GULP1: variants seen among roughly 807,000 people sequenced by gnomAD.
GULP1 encodes PTB domain-containing engulfment adapter protein 1.
Under a neutral mutation model 40.9 loss-of-function variants are expected in GULP1, and 19 were observed. The ratio of observed to expected loss-of-function variants is 0.46; its 90% CI spans 0.32 to 0.68. GULP1 has a LOEUF of 0.68. GULP1 is among the 30% of genes least tolerant of loss of function. The pLI is 0.03. For synonymous variants in GULP1, 119 were observed against 117.6 expected (o/e 1.01, Z -0.08); for missense variants, 312 against 362.2 (o/e 0.86, Z 1.12).
At chr2:188,565,390 GAGTT>G (rs1697405896) in intron 7 of GULP1, among the ~76,000 whole-genome samples, 1 of 151,874 alleles carries the variant, frequency 6.6e-6, no homozygotes, top group Non-Finnish European at 1.5e-5. Flanking sequence ...CTTCTACAGG[GAGTT>G]AGTTTATTAA....
intron 1 of GULP1, among the ~76,000 whole-genome samples, chr2:188,342,962 G>T (rs972860709): frequency 6.6e-6 from 1 of 152,090 alleles, no homozygotes; most frequent in Non-Finnish European, 1.5e-5. Context: ...ACTGCTTCAT[G>T]ATATAAAATG....
intron 2 of GULP1, among the ~76,000 whole-genome samples, chr2:188,439,379 T>C (rs547151644): frequency 7.9e-4 from 121 of 152,260 alleles, no homozygotes; most frequent in East Asian, 3.1e-3. Flanking sequence ...AAAAAAATTC[T>C]ACCAAAATAC....
At chr2:188,307,244 A>G (rs1437668405) in intron 1 of GULP1, among the ~76,000 whole-genome samples, 1 of 152,202 alleles carries the variant, frequency 6.6e-6, no homozygotes, top group African/African-American at 2.4e-5. Context: ...ATAAATTTAT[A>G]CACAATGATA....
At chr2:188,395,946 G>C (rs1356308240) in intron 2 of GULP1, among the ~76,000 whole-genome samples, 1 of 152,204 alleles carries the variant, frequency 6.6e-6, no homozygotes, top group Non-Finnish European at 1.5e-5. Context: ...GCCAGTTGTA[G>C]TAGTAATGAA....
At chr2:188,436,457 A>G (rs1204955730) in intron 2 of GULP1, among the ~76,000 whole-genome samples, 2 of 152,068 alleles carry the variant, frequency 1.3e-5, no homozygotes, top group Non-Finnish European at 2.9e-5. Context: ...ATTTAAAATT[A>G]CTTTCCTCAC....
At chr2:188,407,416 G>T (rs2053269015) in intron 2 of GULP1, among the ~76,000 whole-genome samples, 1 of 152,088 alleles carries the variant, frequency 6.6e-6, no homozygotes, top group Admixed American at 6.5e-5. Flanking sequence ...AAAGCTAAAA[G>T]ACAAAGCTAT....
chr2:188,471,252 G>A (rs930391800), intron 2 of GULP1, among the ~76,000 whole-genome samples: 14 of 152,184 alleles, frequency 9.2e-5, no homozygotes, highest in African/African-American at 3.1e-4. Flanking sequence ...TATAGGTGAA[G>A]TGTGTTTCTT....
intron 1 of GULP1, among the ~76,000 whole-genome samples, chr2:188,341,340 A>C (rs1559129548): frequency 6.6e-6 from 1 of 152,084 alleles, no homozygotes; most frequent in Non-Finnish European, 1.5e-5. Flanking sequence ...ATGAGAACTC[A>C]CTGTCACAGC....
At chr2:188,579,291 T>A (rs1700798309) in intron 9 of GULP1, among the ~76,000 whole-genome samples, 1 of 152,166 alleles carries the variant, frequency 6.6e-6, no homozygotes, top group Non-Finnish European at 1.5e-5. Flanking sequence ...TCAACTATTT[T>A]CATGCAAGTA....
intron 4 of GULP1, among the ~76,000 whole-genome samples, chr2:188,510,503 A>T (rs2064395629): frequency 6.6e-6 from 1 of 152,114 alleles, no homozygotes; most frequent in African/African-American, 2.4e-5. Context: ...ATACTGGGTA[A>T]ACATTCCTTA....
chr2:188,512,135 C>T (rs1474873172), intron 4 of GULP1, among the ~76,000 whole-genome samples: 1 of 152,086 alleles, frequency 6.6e-6, no homozygotes, highest in African/African-American at 2.4e-5. Context: ...CTACTAGGTA[C>T]AGTTGAGTAG....
chr2:188,567,224 G>A (rs1359100164), intron 7 of GULP1, among the ~76,000 whole-genome samples: 4 of 152,128 alleles, frequency 2.6e-5, no homozygotes, highest in Non-Finnish European at 4.4e-5. Flanking sequence ...ACAGTGTGGC[G>A]ATTCCTCAAG....
intron 1 of GULP1, chr2:188,293,271 T>A (rs1559077411): frequency 6.6e-6 from 1 of 152,170 alleles, no homozygotes. Flanking sequence ...AATCAGACAT[T>A]TTACATGCAC....
At chr2:188,477,794 A>C in intron 3 of GULP1, 64 bp downstream of exon 3, 1 of 1,215,468 alleles carries the variant, frequency 8.2e-7, no homozygotes, top group Non-Finnish European at 1.2e-6. Flanking sequence ...ATAAGCAGCG[A>C]TGTTAAGAAA....
Position 188,531,121 on chromosome 2 carries a change from A to G in GULP1, c.261+1926A>G, listed in dbSNP as rs75880800. 3.9e-3 allele frequency among the ~76,000 whole-genome samples: 600 copies of G among 152,268 alleles called. 10 individuals carry two copies. Among genetic ancestry groups the G allele is most frequent in the East Asian group, 0.037 (191 of 5,178 alleles). ...AAGTGTGGCCTGCAGACCACCAGCA[A>G]CTGCATCTATTGGATGCTTGTTAGA... is the stretch of plus-strand genomic sequence containing the variant. On this transcript the variant is annotated intron_variant, in intron 6 of 11. Coordinates refer to ENST00000409830, the MANE Select transcript of GULP1 (RefSeq NM_016315.4).
intron 2 of GULP1, among the ~76,000 whole-genome samples, chr2:188,413,890 T>A (rs2054229568): frequency 6.6e-6 from 1 of 152,204 alleles, no homozygotes; most frequent in Admixed American, 6.5e-5. Flanking sequence ...AAAATGAATT[T>A]TTTAATGCAT....
At chr2:188,295,027 T>C (rs1323986112) in intron 1 of GULP1, among the ~76,000 whole-genome samples, 2 of 152,328 alleles carry the variant, frequency 1.3e-5, no homozygotes, top group African/African-American at 4.8e-5. Flanking sequence ...GATTTTGTTA[T>C]GGTTAAGGCT....
chr2:188,314,390 C>A (rs1207012389), intron 1 of GULP1, among the ~76,000 whole-genome samples: 1 of 152,028 alleles, frequency 6.6e-6, no homozygotes, highest in Non-Finnish European at 1.5e-5. Context: ...AAAAATAGAA[C>A]CCATGTCCTA....
chr2:188,592,709 T>C (rs1199023312), intron 11 of GULP1: 1 of 152,038 alleles, frequency 6.6e-6, no homozygotes, highest in Non-Finnish European at 1.5e-5. Context: ...ACCTTCCTCC[T>C]CTATATGATG....
Sources: gnomAD v4.1 joint callset for allele counts (sites outside exome capture counted in the v4.1 genomes callset) on GRCh38, gnomAD v4.1.1 for gene constraint, MANE v1.5 for transcripts, NCBI Gene and HGNC (gene_info 2026-07-23, HGNC 2026-07-21) for gene names.